Variants in ARRDC5 observed in about 807,000 individuals in gnomAD.
ARRDC5 encodes arrestin domain-containing protein 5.
A neutral mutation model predicts 13.3 loss-of-function variants in ARRDC5; 12 were observed. The ratio of observed to expected loss-of-function variants is 0.90; its 90% CI spans 0.58 to 1.46. ARRDC5 has a LOEUF of 1.46. ARRDC5 is among the 40% of genes most tolerant of loss of function. ARRDC5 has a pLI of 0.00. For missense variants in ARRDC5, 406 were observed against 418.7 expected, an observed-to-expected ratio of 0.97 and a Z score of 0.26; for synonymous variants, 181 against 173.4, an observed-to-expected ratio of 1.04 and a Z score of -0.34.
chr19:4,904,319 C>T (rs896420976), upstream of ARRDC5, among the ~76,000 whole-genome samples: 27 of 152,274 alleles, frequency 1.8e-4, no homozygotes, highest in East Asian at 1.5e-3. Context: ...GCTGGGACTA[C>T]AGGCGTCCGC....
upstream of ARRDC5, chr19:4,903,019 C>CTCACGGGTTCTTTT: frequency 4.5e-6 from 2 of 447,144 alleles, no homozygotes; most frequent in East Asian, 3.6e-5. Context: ...ACCTGTAGTC[C>CTCACGGGTTCTTTT]TCACTGGTTC....
At chr19:4,910,736 G>A in the ARRDC5 span, 2 of 1,002,782 alleles carry the variant, frequency 2.0e-6, no homozygotes, top group Admixed American at 2.8e-5. Context: ...GGGTCTGGCT[G>A]TACAGGAGGA....
chr19:4,892,456 C>T (rs2031546193), intron 2 of ARRDC5, among the ~76,000 whole-genome samples: 1 of 150,428 alleles, frequency 6.6e-6, no homozygotes, highest in African/African-American at 2.4e-5. Context: ...ACTTGACCTC[C>T]TGGACTCAAG....
At chr19:4,908,300 C>T in the ARRDC5 span, among the ~76,000 whole-genome samples, 1 of 152,128 alleles carries the variant, frequency 6.6e-6, no homozygotes, top group South Asian at 2.1e-4. Flanking sequence ...AGGGACATAG[C>T]AGAAGTCCCA....
At chr19:4,906,817 C>T (rs1365682572), upstream of ARRDC5, among the ~76,000 whole-genome samples, 1 of 152,134 alleles carries the variant, frequency 6.6e-6, no homozygotes, top group African/African-American at 2.4e-5. Context: ...TGAGTTTTCG[C>T]AACAGCGCTA....
upstream of ARRDC5, among the ~76,000 whole-genome samples, chr19:4,906,353 C>T (rs1230388861): frequency 2.0e-5 from 3 of 152,160 alleles, no homozygotes; most frequent in East Asian, 3.8e-4. Context: ...CCTCAATCAA[C>T]AGTCCTCAGT....
intron 2 of ARRDC5, among the ~76,000 whole-genome samples, chr19:4,893,894 A>G (rs2031604511): frequency 6.8e-6 from 1 of 146,258 alleles, no homozygotes; most frequent in Non-Finnish European, 1.5e-5. Flanking sequence ...TACAAAAAAA[A>G]AAAAATAGCC....
chr19:4,896,604 C>A (rs925090250), intron 2 of ARRDC5, 67 bp downstream of exon 2: 5 of 1,256,964 alleles, frequency 4.0e-6, no homozygotes, highest in Non-Finnish European at 5.8e-6. Context: ...CCCCTGCCTG[C>A]CCACCTTCCC....
chr19:4,914,351 A>C, the ARRDC5 span, among the ~76,000 whole-genome samples: 1 of 152,184 alleles, frequency 6.6e-6, no homozygotes, highest in Non-Finnish European at 1.5e-5. Context: ...CCCGGTGGGC[A>C]CAAATGGGCA....
Position 4,896,839 on chromosome 19 carries a change from G to A in ARRDC5, c.291C>T (p.Phe97=). The part of the protein sequence containing the change: ...WLSAGSHTFD[F]HFNLPPRLPS... ...GAAGCCTGGGAGGTAAGTTGAAATG[G>A]AAGTCAAAGGTGTGGCTGCCTGCAC... The change falls in exon 2 of 3, where the codon TTC becomes TTT. Residue 97 remains phenylalanine, a synonymous_variant. Coordinates refer to ENST00000650722, the MANE Select transcript of ARRDC5 (RefSeq NM_001080523.3). 1.2e-6 allele frequency: 2 copies of A among 1,613,892 alleles called. No homozygotes were observed. The highest frequency in any genetic ancestry group is 1.7e-6 in the Non-Finnish European group (2 of 1,179,838).
chr19:4,894,681 C>CAA (rs375739622), intron 2 of ARRDC5, among the ~76,000 whole-genome samples: 3 of 60,152 alleles, frequency 5.0e-5, no homozygotes, highest in Non-Finnish European at 7.0e-5. Context: ...GAGACTGTCT[C>CAA]AAAAAAAAAA....
the ARRDC5 span, among the ~76,000 whole-genome samples, chr19:4,908,916 G>A: frequency 6.6e-6 from 1 of 152,086 alleles, no homozygotes; most frequent in African/African-American, 2.4e-5. Flanking sequence ...CAGACAGGGC[G>A]GAGGGGGCAG....
upstream of ARRDC5, among the ~76,000 whole-genome samples, chr19:4,906,163 G>C (rs1439822352): frequency 1.3e-5 from 2 of 151,988 alleles, no homozygotes; most frequent in Non-Finnish European, 2.9e-5. Context: ...ATTTTTTGTA[G>C]AGAAGGGTTC....
the ARRDC5 span, among the ~76,000 whole-genome samples, chr19:4,914,037 A>T: frequency 6.6e-6 from 1 of 150,584 alleles, no homozygotes; most frequent in Non-Finnish European, 1.5e-5. Context: ...CTGGTCTCGA[A>T]CTCCCGACCT....
intron 1 of ARRDC5, among the ~76,000 whole-genome samples, chr19:4,901,121 A>G (rs950157129): frequency 2.6e-5 from 4 of 152,194 alleles, no homozygotes; most frequent in African/African-American, 9.6e-5. Flanking sequence ...CCTGGGCAGC[A>G]AGAGCAAAAC....
the ARRDC5 span, chr19:4,910,375 G>C: frequency 6.6e-6 from 1 of 151,846 alleles, no homozygotes; most frequent in African/African-American, 2.4e-5. Context: ...CGTGGGCACC[G>C]AGGGGTCCCG....
intron 1 of ARRDC5, among the ~76,000 whole-genome samples, chr19:4,900,672 T>C (rs2779169): frequency 0.34 from 51,500 of 151,992 alleles, 9,447 homozygotes; most frequent in Middle Eastern, 0.48. Context: ...GCTTGGTTGT[T>C]CCCTCTTTGC....
chr19:4,905,108 C>CTTT (rs61443004), upstream of ARRDC5, among the ~76,000 whole-genome samples: 27 of 95,178 alleles, frequency 2.8e-4, no homozygotes, highest in African/African-American at 4.0e-4. Context: ...CGTAAACTTT[C>CTTT]TTTTTTTTTT....
chr19:4,894,905 C>G (rs1159526182), intron 2 of ARRDC5, among the ~76,000 whole-genome samples: 1 of 152,020 alleles, frequency 6.6e-6, no homozygotes, highest in African/African-American at 2.4e-5. Flanking sequence ...CTGGAGCTCC[C>G]CCTCCTCTCC....
Sources: gnomAD v4.1 joint callset for allele counts (sites outside exome capture counted in the v4.1 genomes callset) on GRCh38, gnomAD v4.1.1 for gene constraint, MANE v1.5 for transcripts, NCBI Gene and HGNC (gene_info 2026-07-23, HGNC 2026-07-21) for gene names.